The following OPA1 variants were observed in gnomAD, a reference collection of about 807,000 sequenced individuals.
The protein encoded by OPA1 is OPA1 mitochondrial dynamin like GTPase, also known as dynamin-like GTPase OPA1, mitochondrial.
Under a neutral mutation model 152.9 loss-of-function variants are expected in OPA1, and 59 were observed. The ratio of observed to expected loss-of-function variants is 0.39; its 90% CI spans 0.31 to 0.48. The LOEUF is 0.48. Among genes scored for constraint, OPA1 ranks in the 20% least tolerant of loss-of-function variants. The pLI, the probability that OPA1 is intolerant of heterozygous loss-of-function variation, is 0.96. For missense variants in OPA1, 1,008 were observed against 1,216.8 expected, an observed-to-expected ratio of 0.83 and a Z score of 2.55; for synonymous variants, 400 against 389.9, an observed-to-expected ratio of 1.03 and a Z score of -0.31.
intron 29 of OPA1, among the ~76,000 whole-genome samples, chr3:193,684,671 G>A (rs1720687600): frequency 6.6e-6 from 1 of 151,784 alleles, no homozygotes; most frequent in Non-Finnish European, 1.5e-5. Context: ...GGGTGATCTT[G>A]AACTCCTGAC....
At chr3:193,691,082 G>C (rs922228053) in intron 29 of OPA1, among the ~76,000 whole-genome samples, 1 of 152,082 alleles carries the variant, frequency 6.6e-6, no homozygotes, top group East Asian at 1.9e-4. Context: ...TTAGCCAGGC[G>C]TGGTGGCACG....
chr3:193,695,027 A>T lies in OPA1; in HGVS notation c.*427A>T, dbSNP rs565230692. On this transcript the variant is annotated 3_prime_UTR_variant, in exon 31 of 31. Coordinates refer to ENST00000361510, the MANE Select transcript of OPA1 (RefSeq NM_130837.3). ...ATATAGCAATTGTTTAAAGTTATCA[A>T]TTGTATATAAAATCACAGTAGCCTG... 1.8e-4 allele frequency: 27 copies of T among 152,386 alleles called. No homozygotes were observed. Among genetic ancestry groups the T allele is most frequent in the Middle Eastern group, 3.4e-3 (1 of 294 alleles). The allele number at this position is 152,386 out of a possible 1,614,324, so 9.4% of individuals were successfully genotyped here.
chr3:193,593,900 T>C (rs1725068600), intron 1 of OPA1, among the ~76,000 whole-genome samples: 1 of 152,134 alleles, frequency 6.6e-6, no homozygotes, highest in Non-Finnish European at 1.5e-5. Context: ...GAAAGGGGCG[T>C]CCGTCTCTTT....
intron 3 of OPA1, 59 bp from the exon 4 acceptor site, chr3:193,617,119 A>G: frequency 1.9e-6 from 2 of 1,034,422 alleles, no homozygotes; most frequent in Non-Finnish European, 3.0e-6. Context: ...GCCCTTTATA[A>G]GAATAGTATC....
chr3:193,645,668 T>G, intron 17 of OPA1, 43 bp downstream of exon 17: 1 of 1,606,508 alleles, frequency 6.2e-7, no homozygotes, highest in South Asian at 1.1e-5. Context: ...TAGTTTCTGT[T>G]GTTTTCAAAT....
intron 1 of OPA1, among the ~76,000 whole-genome samples, chr3:193,598,079 T>G (rs1197518770): frequency 6.6e-6 from 1 of 152,056 alleles, no homozygotes; most frequent in Non-Finnish European, 1.5e-5. Flanking sequence ...AGACTTCGTC[T>G]CAAAAATAAA....
chr3:193,598,877 A>T (rs1726020803), intron 1 of OPA1, among the ~76,000 whole-genome samples: 1 of 152,244 alleles, frequency 6.6e-6, no homozygotes, highest in Admixed American at 6.5e-5. Flanking sequence ...AATAGACTAA[A>T]TGGATGTAAG....
intron 10 of OPA1, 116 bp downstream of exon 10, chr3:193,637,397 ATT>A: frequency 1.8e-6 from 1 of 557,156 alleles, no homozygotes; most frequent in East Asian, 3.2e-5. Flanking sequence ...AGATGTAGGC[ATT>A]TATATTTTTT....
At chr3:193,673,797 A>G (rs909924417) in intron 29 of OPA1, among the ~76,000 whole-genome samples, 1 of 152,250 alleles carries the variant, frequency 6.6e-6, no homozygotes, top group Non-Finnish European at 1.5e-5. Flanking sequence ...ATTTACCAAT[A>G]AAATGTGAAA....
chr3:193,672,568 C>A (rs552105979), intron 29 of OPA1, among the ~76,000 whole-genome samples: 1 of 152,172 alleles, frequency 6.6e-6, no homozygotes, highest in South Asian at 2.1e-4. Flanking sequence ...TTAGATTGCT[C>A]TAAGACCTAA....
chr3:193,668,824 G>A, intron 29 of OPA1: 2 of 1,138,088 alleles, frequency 1.8e-6, no homozygotes, highest in Non-Finnish European at 2.2e-6. Context: ...TAGGTTCCTA[G>A]CTTTAAGATA....
In OPA1 at chr3:193,609,140, G is replaced by T. The variant is rs1455962629; in HGVS notation, c.33-5583G>T. Among the ~76,000 whole-genome samples, 5 of 152,154 alleles carry T rather than the reference G, an allele frequency of 3.3e-5. 1 individual carries two copies. Among genetic ancestry groups the T allele is most frequent in the African/African-American group, 9.6e-5 (4 of 41,502 alleles). On this transcript the variant is annotated intron_variant, in intron 1 of 30. Transcript: ENST00000361510. ...TTTCCTGAATACAGCACACTGATGG[G>T]TCTTGACTCTTTATCCAATTTGCCA...
Position 193,643,969 on chromosome 3 carries a change from T to G in OPA1, c.1478-6T>G. 1 of 1,613,576 alleles carries G rather than the reference T, an allele frequency of 6.2e-7. No individual in the cohort carries two copies. The highest frequency in any genetic ancestry group is 1.1e-5 in the South Asian group (1 of 91,034). ...TTCCACAGTGTCATTTTTTTATTTT[T>G]TTCAGATGGATCTGTGGATGCTGAA... On this transcript the variant is annotated splice_region_variant and splice_polypyrimidine_tract_variant and intron_variant, in intron 15 of 30. Transcript: ENST00000361510.
intron 8 of OPA1, 134 bp downstream of exon 8, chr3:193,631,799 T>C: frequency 1.4e-6 from 1 of 740,546 alleles, no homozygotes; most frequent in Admixed American, 2.2e-5. Flanking sequence ...TTATTATCGA[T>C]AGATGCAAAA....
At chr3:193,643,779 G>A (rs1265866813) in intron 15 of OPA1, 152 bp downstream of exon 15, 4 of 943,204 alleles carry the variant, frequency 4.2e-6, no homozygotes, top group East Asian at 5.3e-5. Flanking sequence ...TTAAATTGAA[G>A]TTGAAATTAT....
At chr3:193,613,814 G>A (rs1728616912) in intron 1 of OPA1, 20 of 451,240 alleles carry the variant, frequency 4.4e-5, no homozygotes, top group South Asian at 3.5e-4. Flanking sequence ...CTGACCTCAG[G>A]TGATTCACCC....
At chr3:193,642,679 T>C in intron 11 of OPA1, 86 bp from the exon 12 acceptor site, 1 of 982,556 alleles carries the variant, frequency 1.0e-6, no homozygotes. Context: ...TGCAATGCAG[T>C]AGCCCTGTCT....
At chr3:193,625,673 G>A (rs1466155429) in intron 6 of OPA1, among the ~76,000 whole-genome samples, 1 of 150,442 alleles carries the variant, frequency 6.6e-6, no homozygotes, top group African/African-American at 2.4e-5. Context: ...ACTAACTTAA[G>A]AATAATAATT....
At chr3:193,682,521 C>A (rs1307626158) in intron 29 of OPA1, among the ~76,000 whole-genome samples, 1 of 152,114 alleles carries the variant, frequency 6.6e-6, no homozygotes, top group Non-Finnish European at 1.5e-5. Flanking sequence ...AAGTCAATGC[C>A]CAGCTTCGAG....
Sources: gnomAD v4.1 joint callset for allele counts (sites outside exome capture counted in the v4.1 genomes callset) on GRCh38, gnomAD v4.1.1 for gene constraint, MANE v1.5 for transcripts, NCBI Gene and HGNC (gene_info 2026-07-23, HGNC 2026-07-21) for gene names.